Variants in KCNK1 observed in about 807,000 individuals in gnomAD.
The protein encoded by KCNK1 is potassium two pore domain channel subfamily K member 1, also known as potassium channel subfamily K member 1.
KCNK1 carries 10 observed loss-of-function variants against 22.2 expected under a neutral mutation model. The ratio of observed to expected loss-of-function variants is 0.45; its 90% confidence interval spans 0.28 to 0.76. KCNK1 has a LOEUF of 0.76. KCNK1 is among the 30% of genes least tolerant of loss of function. KCNK1 has a pLI of 0.14. For synonymous variants in KCNK1, 200 were observed against 186.4 expected, an observed-to-expected ratio of 1.07 and a Z score of -0.60; for missense variants, 378 against 421.0, an observed-to-expected ratio of 0.90 and a Z score of 0.89.
intron 1 of KCNK1, among the ~76,000 whole-genome samples, chr1:233,615,670 A>AC (rs1212998445): frequency 6.8e-6 from 1 of 146,694 alleles, no homozygotes; most frequent in Non-Finnish European, 1.5e-5. Context: ...GTAACCCCCC[A>AC]CCCTCAACCT....
intron 1 of KCNK1, chr1:233,624,030 AGAGTTG>A (rs1437775523): frequency 1.3e-5 from 2 of 152,796 alleles, no homozygotes; most frequent in African/African-American, 4.8e-5. Flanking sequence ...TATGATCAAT[AGAGTTG>A]GAGTTGGAGG....
intron 1 of KCNK1, among the ~76,000 whole-genome samples, chr1:233,651,448 C>T (rs899974465): frequency 3.3e-5 from 5 of 152,228 alleles, no homozygotes; most frequent in Non-Finnish European, 7.4e-5. Context: ...TTTGCAACCT[C>T]GTTTAAAATA....
intron 1 of KCNK1, among the ~76,000 whole-genome samples, chr1:233,628,160 G>A (rs990973893): frequency 6.6e-6 from 1 of 152,180 alleles, no homozygotes; most frequent in African/African-American, 2.4e-5. Context: ...TCTCACGGGA[G>A]CATTCCCTCA....
At chr1:233,669,221 G>T (rs1257101045) in intron 2 of KCNK1, among the ~76,000 whole-genome samples, 1 of 152,030 alleles carries the variant, frequency 6.6e-6, no homozygotes, top group East Asian at 1.9e-4. Context: ...TCTGTGACTT[G>T]GAAAGTAGAA....
chr1:233,618,393 T>C (rs1657522404), intron 1 of KCNK1, among the ~76,000 whole-genome samples: 1 of 151,868 alleles, frequency 6.6e-6, no homozygotes, highest in African/African-American at 2.4e-5. Context: ...TGTTTTTTTT[T>C]TTTCCCCAAG....
At chr1:233,633,883 C>G (rs1657849559) in intron 1 of KCNK1, among the ~76,000 whole-genome samples, 1 of 152,120 alleles carries the variant, frequency 6.6e-6, no homozygotes, top group Admixed American at 6.6e-5. Flanking sequence ...TTAACATAGT[C>G]ACACATCCGC....
At chr1:233,622,410 A>T (rs1019352830) in intron 1 of KCNK1, among the ~76,000 whole-genome samples, 1 of 152,202 alleles carries the variant, frequency 6.6e-6, no homozygotes. Flanking sequence ...TGTCATGCCC[A>T]GGTGGCTTAT....
intron 2 of KCNK1, among the ~76,000 whole-genome samples, chr1:233,669,157 A>G (rs1022519984): frequency 6.6e-6 from 1 of 152,210 alleles, no homozygotes; most frequent in African/African-American, 2.4e-5. Flanking sequence ...AATAAACATT[A>G]TCTTAACTTT....
chr1:233,627,076 G>A (rs549189259), intron 1 of KCNK1, among the ~76,000 whole-genome samples: 35 of 151,954 alleles, frequency 2.3e-4, no homozygotes, highest in Admixed American at 6.5e-4. Context: ...ACACATTGAC[G>A]ATTTTTACAG....
chr1:233,624,526 A>C (rs777507105), intron 1 of KCNK1, among the ~76,000 whole-genome samples: 1 of 152,106 alleles, frequency 6.6e-6, no homozygotes, highest in Non-Finnish European at 1.5e-5. Flanking sequence ...TCTTGGCCTC[A>C]CTTGGCATCC....
intron 1 of KCNK1, among the ~76,000 whole-genome samples, chr1:233,662,200 CT>C (rs1449293835): frequency 6.6e-6 from 1 of 152,136 alleles, no homozygotes; most frequent in African/African-American, 2.4e-5. Context: ...GGCTGAGGTT[CT>C]TCTTTCGTAG....
At chr1:233,669,893 G>C (rs975966959) in intron 2 of KCNK1, among the ~76,000 whole-genome samples, 5 of 152,162 alleles carry the variant, frequency 3.3e-5, no homozygotes, top group Non-Finnish European at 7.4e-5. Flanking sequence ...AGAGCACACT[G>C]AATGCACGAT....
chr1:233,635,901 G>A (rs914067241), intron 1 of KCNK1, among the ~76,000 whole-genome samples: 1 of 152,228 alleles, frequency 6.6e-6, no homozygotes, highest in East Asian at 1.9e-4. Flanking sequence ...TTGCATTGAA[G>A]AGAACGTTGA....
intron 1 of KCNK1, among the ~76,000 whole-genome samples, chr1:233,615,563 A>G (rs1200467291): frequency 6.6e-6 from 1 of 152,280 alleles, no homozygotes; most frequent in East Asian, 1.9e-4. Flanking sequence ...CCAATCTTTG[A>G]AATAATCCAT....
At chr1:233,634,641 A>C (rs12407936) in intron 1 of KCNK1, among the ~76,000 whole-genome samples, 5,452 of 150,944 alleles carry the variant, frequency 0.036, 199 homozygotes, top group East Asian at 0.21. Context: ...TGGGATTGTT[A>C]TGCCCACCAG....
At position 233,614,116 on chromosome 1, in the gene KCNK1, G is replaced by A; in HGVS notation, c.-56G>A. The A allele has an allele frequency of 1.6e-6, 2 of 1,281,658 alleles. No homozygotes were observed. The highest frequency in any genetic ancestry group is 2.0e-6 in the Non-Finnish European group (2 of 991,720). 79.4% of individuals were successfully genotyped at this position (1,281,658 alleles called of 1,614,324 possible). A position where few individuals can be genotyped will look rare whatever the true frequency, so the allele number is the denominator to read the frequency against. On this transcript the variant is annotated 5_prime_UTR_variant, in exon 1 of 3. Coordinates refer to ENST00000366621, the MANE Select transcript of KCNK1 (RefSeq NM_002245.4). ...GGGGGCGGCGGGGCCAGAAGAGGCG[G>A]CGGGCCGCGCTCCGGCCGGTCTGCG...
chr1:233,655,131 GA>G (rs1658267330), intron 1 of KCNK1, among the ~76,000 whole-genome samples: 2 of 152,238 alleles, frequency 1.3e-5, no homozygotes, highest in South Asian at 4.1e-4. Context: ...GGGCCTGGGG[GA>G]CAGAGCATTG....
Position 233,671,577 on chromosome 1 carries a change from A to C in KCNK1, c.*47A>C. ...GCTAGAGCACCAGGGTCAGGGTGCA[A>C]GGAAGAGGCTTAAGTATGTTCATTT... is the stretch of plus-strand genomic sequence containing the variant. On this transcript the variant is annotated 3_prime_UTR_variant, in exon 3 of 3. Coordinates refer to ENST00000366621, the MANE Select transcript of KCNK1 (RefSeq NM_002245.4). 1.2e-6 allele frequency: 2 copies of C among 1,607,460 alleles called. No homozygotes were observed. Among genetic ancestry groups the C allele is most frequent in the Non-Finnish European group, 1.7e-6 (2 of 1,175,702 alleles).
At chr1:233,620,692 G>A (rs1657571653) in intron 1 of KCNK1, among the ~76,000 whole-genome samples, 1 of 152,114 alleles carries the variant, frequency 6.6e-6, no homozygotes, top group Non-Finnish European at 1.5e-5. Context: ...GTATTCACAG[G>A]TCTTGATTTT....
Sources: allele counts gnomAD v4.1 joint callset (sites outside exome capture counted in the v4.1 genomes callset), GRCh38; gene constraint gnomAD v4.1.1; transcripts MANE v1.5; gene names NCBI Gene and HGNC (gene_info 2026-07-23, HGNC 2026-07-21).